Variants in ANKRD9 observed in about 807,000 individuals in gnomAD.
ANKRD9 encodes the protein ankyrin repeat domain-containing protein 9.
Under a neutral mutation model 19.2 loss-of-function variants are expected in ANKRD9, and 13 were observed. The ratio of observed to expected loss-of-function variants is 0.68; its 90% confidence interval spans 0.44 to 1.08. The LOEUF is 1.08. Among genes scored for constraint, ANKRD9 ranks in the 50% least tolerant of loss-of-function variants. The pLI is 0.00. For missense variants in ANKRD9, 518 were observed against 499.9 expected, an observed-to-expected ratio of 1.04 and a Z score of -0.34; for synonymous variants, 278 against 256.8, an observed-to-expected ratio of 1.08 and a Z score of -0.79.
rs1891632380 is a variant in ANKRD9 at position 102,507,306 on chromosome 14, GGCGTGAGGC to G, written c.575_583del (p.Gly192_Pro195delinsAla). ...CAGCTGGCGCAGCAGCAGCTCGAGA[GGCGTGAGGC>G]CGCCGCCGTCCCGCAGACCGGGCGA... On this transcript the variant is annotated inframe_deletion, in exon 4 of 4. Coordinates refer to ENST00000286918, the MANE Select transcript of ANKRD9 (RefSeq NM_152326.4). The surrounding 1 kb of genome is among the most constrained non-coding windows in gnomAD (Gnocchi z 9.2). 1.6e-6 allele frequency: 2 copies of G among 1,260,698 alleles called. No individual in the cohort carries two copies. Among genetic ancestry groups the G allele is most frequent in the Non-Finnish European group, 1.0e-6 (1 of 999,184 alleles). The allele number at this position is 1,260,698 out of a possible 1,614,324, so 78.1% of individuals were successfully genotyped here.
In ANKRD9 at chr14:102,506,983, G is replaced by A; in HGVS notation, c.907C>T (p.Pro303Ser). Residue 303 changes from proline to serine, a missense_variant, in exon 4 of 4, where the codon CCG (proline) becomes TCG (serine). Pro to Ser is a moderately conservative substitution (Grantham distance 74). Transcript: ENST00000286918. ...AACGGCTGCAGGAATGGGGGCAGCG[G>A]CAGCTCGTCCAGGGCCTCGGGGAAG... ...GRFPEALDEL[P>S]LPPFLQPLDL... 1.3e-6 allele frequency: 2 copies of A among 1,570,232 alleles called. No individual in the cohort carries two copies. Among genetic ancestry groups the A allele is most frequent in the Non-Finnish European group, 8.6e-7 (1 of 1,158,442 alleles).
rs1314920153 is a variant in ANKRD9 at position 102,506,951 on chromosome 14, G to A, written c.939C>T (p.Leu313=). 5.9e-6 allele frequency: 9 copies of A among 1,527,584 alleles called. No individual in the cohort carries two copies. The highest frequency in any genetic ancestry group is 7.9e-6 in the Non-Finnish European group (9 of 1,135,776). 94.6% of individuals were successfully genotyped at this position (1,527,584 alleles called of 1,614,324 possible). ...TGCTCCGGGCCTAGCCTTTGCCAGT[G>A]AGGTCCAACGGCTGCAGGAATGGGG... ...PLPPFLQPLD[L]TGKG Residue 313 remains leucine, a synonymous_variant, in exon 4 of 4, where the codon CTC becomes CTT. Coordinates refer to ENST00000286918, the MANE Select transcript of ANKRD9 (RefSeq NM_152326.4).
chr14:102,507,979 G>A lies in ANKRD9; in HGVS notation c.-53-37C>T. 3 of 1,069,100 alleles carry A rather than the reference G, an allele frequency of 2.8e-6. No homozygotes were observed. Among genetic ancestry groups the A allele is most frequent in the Non-Finnish European group, 3.4e-6 (3 of 874,930 alleles). The allele number at this position is 1,069,100 out of a possible 1,614,324, so 66.2% of individuals were successfully genotyped here. Reference sequence around the variant, plus strand: ...GGAAGAGGCCACGGTGAGGCGCGGGGAAACTGGGGAGGCCCGGGGACTCCC... The same window carrying A: ...GGAAGAGGCCACGGTGAGGCGCGGGAAAACTGGGGAGGCCCGGGGACTCCC... On this transcript the variant is annotated intron_variant, in intron 3 of 3. Coordinates refer to ENST00000286918, the MANE Select transcript of ANKRD9 (RefSeq NM_152326.4). The surrounding 1 kb of genome is among the most constrained non-coding windows in gnomAD (Gnocchi z 9.2).
chr14:102,507,192 T>C lies in ANKRD9; in HGVS notation c.698A>G (p.Asp233Gly). Residue 233 changes from aspartate (D) to glycine (G), a missense_variant, in exon 4 of 4, where the codon GAC becomes GGC. Asp to Gly is a moderately conservative substitution (Grantham distance 94, BLOSUM62 -1). Transcript: ENST00000286918. The surrounding 1 kb of genome is among the most constrained non-coding windows in gnomAD (Gnocchi z 9.2). ...CACGGGGGTGTACAGCGCCAGGAGG[T>C]CCAGCAGCAGCAGGCGGCGCTGGCG... ...EPRQRRLLLLDLLALYTPVGA... is the reference protein window; with the variant it reads ...EPRQRRLLLLGLLALYTPVGA... 7.6e-7 allele frequency: 1 copy of C among 1,323,570 alleles called. No homozygotes were observed. The highest frequency in any genetic ancestry group is 9.6e-7 in the Non-Finnish European group (1 of 1,040,674). 82.0% of individuals were successfully genotyped at this position (1,323,570 alleles called of 1,614,324 possible).
rs192518133 is a variant in ANKRD9 at position 102,502,333 on chromosome 14, G to T, written c.*4603C>A. The T allele has an allele frequency of 4.7e-3, 725 of 152,702 alleles. 4 individuals carry two copies. The highest frequency in any genetic ancestry group is 7.1e-3 in the Non-Finnish European group (481 of 68,032). The allele number at this position is 152,702 out of a possible 1,614,324, so 9.5% of individuals were successfully genotyped here. On this transcript the variant is annotated 3_prime_UTR_variant, in exon 4 of 4. Transcript: ENST00000286918. Reference sequence around the variant, plus strand: ...CATAACTCCGGGGAGGAGCAAGAGGGGTGAAAAGAAACAAGTTCTCTACTT... The same window carrying T: ...CATAACTCCGGGGAGGAGCAAGAGGTGTGAAAAGAAACAAGTTCTCTACTT...
In ANKRD9 at chr14:102,503,205, T is replaced by A. The variant is rs2139809818; in HGVS notation, c.*3731A>T. ...TCCAGTCTGGATGACAGAGCAAGAC[T>A]ACATCTCAAATAAATAAATAAATAC... On this transcript the variant is annotated 3_prime_UTR_variant, in exon 4 of 4. Coordinates refer to ENST00000286918, the MANE Select transcript of ANKRD9 (RefSeq NM_152326.4). The A allele has an allele frequency of 6.6e-6, 1 of 151,054 alleles. No homozygotes were observed. The highest frequency in any genetic ancestry group is 6.6e-5 in the Admixed American group (1 of 15,160). 9.4% of individuals were successfully genotyped at this position (151,054 alleles called of 1,614,324 possible). A position where few individuals can be genotyped will look rare whatever the true frequency, so the allele number is the denominator to read the frequency against.
chr14:102,507,418 C>A lies in ANKRD9; in HGVS notation c.472G>T (p.Gly158Cys), dbSNP rs562624517. 2.9e-6 allele frequency: 4 copies of A among 1,370,374 alleles called. No homozygotes were observed. The highest frequency in any genetic ancestry group is 3.8e-6 in the Non-Finnish European group (4 of 1,058,482). The allele number at this position is 1,370,374 out of a possible 1,614,324, so 84.9% of individuals were successfully genotyped here. A position where few individuals can be genotyped will look rare whatever the true frequency, so the allele number is the denominator to read the frequency against. The change falls in exon 4 of 4, where the codon GGC becomes TGC. Residue 158 changes from glycine to cysteine, a missense_variant. Physicochemically the swap from Gly to Cys is radical, Grantham distance 159. Transcript: ENST00000286918. The surrounding 1 kb of genome is among the most constrained non-coding windows in gnomAD (Gnocchi z 9.2). ...GCCACGTGCAGCGACGTGCCACCGC[C>A]CTCCACGCGGCTGCAGCCACGCCGG... The part of the protein sequence containing the change: ...LDRRGCSRVE[G>C]GGTSLHVACE...
Position 102,506,927 on chromosome 14 carries a change from G to A in ANKRD9, c.*9C>T. 1 of 1,490,060 alleles carries A rather than the reference G, an allele frequency of 6.7e-7. No homozygotes were observed. The highest frequency in any genetic ancestry group is 1.8e-4 in the Middle Eastern group (1 of 5,602). The allele number at this position is 1,490,060 out of a possible 1,614,324, so 92.3% of individuals were successfully genotyped here. ...TGTCCCAAAATCCAGCGCCTAGGGT[G>A]CTCCGGGCCTAGCCTTTGCCAGTGA... On this transcript the variant is annotated 3_prime_UTR_variant, in exon 4 of 4. Transcript: ENST00000286918.
Position 102,508,107 on chromosome 14 carries a change from A to T in ANKRD9, c.-53-165T>A, listed in dbSNP as rs1047382581. On this transcript the variant is annotated intron_variant, in intron 3 of 3. Coordinates refer to ENST00000286918, the MANE Select transcript of ANKRD9 (RefSeq NM_152326.4). The surrounding 1 kb of genome is among the most constrained non-coding windows in gnomAD (Gnocchi z 6.2). ...GTCACCCTACAGCTCCATCTCTCCG[A>T]CGCCCAGAACCACCGCCTCCATCCT... is the stretch of plus-strand genomic sequence containing the variant. 6.6e-6 allele frequency among the ~76,000 whole-genome samples: 1 copy of T among 151,552 alleles called. No homozygotes were observed. The highest frequency in any genetic ancestry group is 1.5e-5 in the Non-Finnish European group (1 of 67,844).
At position 102,509,719 on chromosome 14, in the gene ANKRD9, C is replaced by CGGCGGCGGGCGGCGGGCGGCGGGCGGCG; in HGVS notation, c.-553_-526dup. ...GATCGCAGGGCGGCGGTGCCGTCGC[C>CGGCGGCGGGCGGCGGGCGGCGGGCGGCG]GGCGGCGGGCGGCGGGCGGCGGGCG... On this transcript the variant is annotated 5_prime_UTR_variant, in exon 1 of 4. Coordinates refer to ENST00000286918, the MANE Select transcript of ANKRD9 (RefSeq NM_152326.4). The CGGCGGCGGGCGGCGGGCGGCGGGCGGCG allele has an allele frequency of 6.9e-6, 1 of 143,934 alleles. No homozygotes were observed. The highest frequency in any genetic ancestry group is 2.1e-4 in the East Asian group (1 of 4,706). The allele number at this position is 143,934 out of a possible 1,614,324, so 8.9% of individuals were successfully genotyped here. A position where few individuals can be genotyped will look rare whatever the true frequency, so the allele number is the denominator to read the frequency against.
Position 102,507,236 on chromosome 14 carries a change from G to GGCGGGGGCT in ANKRD9, c.645_653dup (p.Ala216_Ala218dup). The stretch of plus-strand genomic sequence containing the variant: ...GCTGGCGCGGCTCCCCGGGAGCTGA[G>GGCGGGGGCT]GCGGGGGCTCCGGCGGCGGAGGGAG... On this transcript the variant is annotated inframe_insertion, in exon 4 of 4. Coordinates refer to ENST00000286918, the MANE Select transcript of ANKRD9 (RefSeq NM_152326.4). This position sits in a 1 kb window ranked among gnomAD's most constrained non-coding sequence, Gnocchi z 9.2. The GGCGGGGGCT allele has an allele frequency of 1.6e-6, 2 of 1,248,734 alleles. No homozygotes were observed. Among genetic ancestry groups the GGCGGGGGCT allele is most frequent in the Non-Finnish European group, 2.0e-6 (2 of 997,204 alleles). The allele number at this position is 1,248,734 out of a possible 1,614,324, so 77.4% of individuals were successfully genotyped here. A position where few individuals can be genotyped will look rare whatever the true frequency, so the allele number is the denominator to read the frequency against.
chr14:102,507,841 C>T lies in ANKRD9; in HGVS notation c.49G>A (p.Glu17Lys). Residue 17 changes from glutamate (E) to lysine (K), a missense_variant, in exon 4 of 4, where the codon GAG (glutamate) becomes AAG (lysine). Coordinates refer to ENST00000286918, the MANE Select transcript of ANKRD9 (RefSeq NM_152326.4). The surrounding 1 kb of genome is among the most constrained non-coding windows in gnomAD (Gnocchi z 9.2). ...RPGGGADGGP[E>K]ASGAARSRAQ... is the part of the protein sequence containing the mutation. ...CGCGAGCGCGCCGCGCCCGAGGCCT[C>T]GGGCCCGCCGTCCGCGCCACCCCCA... The T allele has an allele frequency of 1.6e-6, 2 of 1,279,098 alleles. No homozygotes were observed. The highest frequency in any genetic ancestry group is 1.0e-6 in the Non-Finnish European group (1 of 997,556). The allele number at this position is 1,279,098 out of a possible 1,614,324, so 79.2% of individuals were successfully genotyped here.
At position 102,507,243 on chromosome 14, in the gene ANKRD9, G is replaced by T. The variant is rs1209003236; in HGVS notation, c.647C>A (p.Ala216Asp). The T allele has an allele frequency of 2.4e-6, 3 of 1,236,140 alleles. No individual in the cohort carries two copies. The highest frequency in any genetic ancestry group is 3.0e-6 in the Non-Finnish European group (3 of 989,214). 76.6% of individuals were successfully genotyped at this position (1,236,140 alleles called of 1,614,324 possible). A position where few individuals can be genotyped will look rare whatever the true frequency, so the allele number is the denominator to read the frequency against. ...DAGATPSAAG[A>D]PASAPGEPRQ... ...CGGCTCCCCGGGAGCTGAGGCGGGG[G>T]CTCCGGCGGCGGAGGGAGTGGCCCC... Residue 216 changes from alanine to aspartate, a missense_variant, in exon 4 of 4, where the codon GCC becomes GAC. Ala to Asp is a moderately radical substitution (Grantham distance 126). Transcript: ENST00000286918. The surrounding 1 kb of genome is among the most constrained non-coding windows in gnomAD (Gnocchi z 9.2).
chr14:102,507,579 C>G lies in ANKRD9; in HGVS notation c.311G>C (p.Ser104Thr). The change falls in exon 4 of 4, where the codon AGT becomes ACT. Residue 104 changes from serine (S) to threonine (T), a missense_variant. Coordinates refer to ENST00000286918, the MANE Select transcript of ANKRD9 (RefSeq NM_152326.4). The surrounding 1 kb of genome is among the most constrained non-coding windows in gnomAD (Gnocchi z 9.2). ...TFPRRALAPP[S>T]AGFRCCAAPG... ...AGCCGCGCAGCAGCGGAAGCCGGCA[C>G]TGGGCGGTGCGAGCGCGCGCCGCGG... The G allele has an allele frequency of 1.4e-6, 2 of 1,398,710 alleles. No homozygotes were observed. Among genetic ancestry groups the G allele is most frequent in the Non-Finnish European group, 1.9e-6 (2 of 1,075,992 alleles). 86.6% of individuals were successfully genotyped at this position (1,398,710 alleles called of 1,614,324 possible). A position where few individuals can be genotyped will look rare whatever the true frequency, so the allele number is the denominator to read the frequency against.
Position 102,507,367 on chromosome 14 carries a change from G to C in ANKRD9, c.523C>G (p.Leu175Val). 1.5e-6 allele frequency: 2 copies of C among 1,332,392 alleles called. No individual in the cohort carries two copies. Among genetic ancestry groups the C allele is most frequent in the Non-Finnish European group, 1.9e-6 (2 of 1,039,422 alleles). The allele number at this position is 1,332,392 out of a possible 1,614,324, so 82.5% of individuals were successfully genotyped here. A position where few individuals can be genotyped will look rare whatever the true frequency, so the allele number is the denominator to read the frequency against. The stretch of plus-strand genomic sequence containing the variant: ...GCGCCGTGGCCCAGCAGCAGGAAGA[G>C]GCACTCGGGGCGCGCCAGCTCACAG... Reference protein sequence around the residue: ...VACELARPECLFLLLGHGASP... With the variant: ...VACELARPECVFLLLGHGASP... The change falls in exon 4 of 4, where the codon CTC (leucine) becomes GTC (valine). Residue 175 changes from leucine (L) to valine (V), a missense_variant. Transcript: ENST00000286918. The surrounding 1 kb of genome is among the most constrained non-coding windows in gnomAD (Gnocchi z 9.2).
chr14:102,507,779 G>T lies in ANKRD9; in HGVS notation c.111C>A (p.Phe37Leu). The change falls in exon 4 of 4, where the codon TTC (phenylalanine) becomes TTA (leucine). Residue 37 changes from phenylalanine to leucine, a missense_variant. Transcript: ENST00000286918. This position sits in a 1 kb window ranked among gnomAD's most constrained non-coding sequence, Gnocchi z 9.2. ...GTAGCAGGTCGCGCACCGCCTGGTA[G>T]AAGGCGAACGACGACTTGCGGCACT... ...QKQCRKSSFA[F>L]YQAVRDLLPV... is the part of the protein sequence containing the mutation. 6.8e-7 allele frequency: 1 copy of T among 1,473,794 alleles called. No individual in the cohort carries two copies. The highest frequency in any genetic ancestry group is 2.1e-5 in the Admixed American group (1 of 47,284). 91.3% of individuals were successfully genotyped at this position (1,473,794 alleles called of 1,614,324 possible).
In ANKRD9 at chr14:102,503,334, A is replaced by T. The variant is rs1003830129; in HGVS notation, c.*3602T>A. ...AGTCTTGCTCTGTCGCCCAGGCTGG[A>T]GTGCAATGGCGCAATCTTGGCTCAC... On this transcript the variant is annotated 3_prime_UTR_variant, in exon 4 of 4. Coordinates refer to ENST00000286918, the MANE Select transcript of ANKRD9 (RefSeq NM_152326.4). 8.2e-6 allele frequency: 1 copy of T among 121,702 alleles called. No individual in the cohort carries two copies. The highest frequency in any genetic ancestry group is 1.6e-5 in the Non-Finnish European group (1 of 62,270). 7.5% of individuals were successfully genotyped at this position (121,702 alleles called of 1,614,324 possible).
In ANKRD9 at chr14:102,506,835, G is replaced by A; in HGVS notation, c.*101C>T. On this transcript the variant is annotated 3_prime_UTR_variant, in exon 4 of 4. Transcript: ENST00000286918. ...GCCCCCAGTGCATGCGACAGATGAG[G>A]CAGAGATTGTGCCGTACAGAGATCA... 1.6e-6 allele frequency: 2 copies of A among 1,273,700 alleles called. No individual in the cohort carries two copies. The highest frequency in any genetic ancestry group is 2.0e-6 in the Non-Finnish European group (2 of 1,006,290). The allele number at this position is 1,273,700 out of a possible 1,614,324, so 78.9% of individuals were successfully genotyped here. A position where few individuals can be genotyped will look rare whatever the true frequency, so the allele number is the denominator to read the frequency against.
At position 102,507,832 on chromosome 14, in the gene ANKRD9, C is replaced by T; in HGVS notation, c.58G>A (p.Gly20Ser). ...TTCTGCGCTCGCGAGCGCGCCGCGC[C>T]CGAGGCCTCGGGCCCGCCGTCCGCG... Reference protein sequence around the residue: ...GGADGGPEASGAARSRAQKQC... With the variant: ...GGADGGPEASSAARSRAQKQC... Residue 20 changes from glycine to serine, a missense_variant, in exon 4 of 4, where the codon GGC (glycine) becomes AGC (serine). Gly to Ser is a moderately conservative substitution (Grantham distance 56). Transcript: ENST00000286918. This position sits in a 1 kb window ranked among gnomAD's most constrained non-coding sequence, Gnocchi z 9.2. 1 of 1,352,478 alleles carries T rather than the reference C, an allele frequency of 7.4e-7. No homozygotes were observed. Among genetic ancestry groups the T allele is most frequent in the Admixed American group, 2.9e-5 (1 of 34,682 alleles). 83.8% of individuals were successfully genotyped at this position (1,352,478 alleles called of 1,614,324 possible).
Sources: allele counts gnomAD v4.1 joint callset (sites outside exome capture counted in the v4.1 genomes callset), GRCh38; gene constraint gnomAD v4.1.1; non-coding constraint Gnocchi (gnomAD v3.1); transcripts MANE v1.5; gene names NCBI Gene and HGNC (gene_info 2026-07-23, HGNC 2026-07-21).